MLH3: variants seen among roughly 807,000 people sequenced by gnomAD.
MLH3 encodes the protein DNA mismatch repair protein Mlh3.
In MLH3, 82 loss-of-function variants were observed where a neutral mutation model predicts 122.2. The observed-to-expected ratio is 0.67, with a 90% CI of 0.56 to 0.81. MLH3 has a LOEUF of 0.81. MLH3 is among the 30% of genes least tolerant of loss of function. The pLI is 0.00. For synonymous variants in MLH3, 524 were observed against 599.5 expected, an observed-to-expected ratio of 0.87 and a Z score of 1.84; for missense variants, 1,539 against 1,714.5, an observed-to-expected ratio of 0.90 and a Z score of 1.81.
intron 3 of MLH3, 40 bp downstream of exon 3, chr14:75,042,339 G>C: frequency 1.3e-6 from 2 of 1,531,812 alleles, no homozygotes; most frequent in East Asian, 2.2e-5. Context: ...TAGGTGGTAC[G>C]ATGTGTACTG....
Position 75,049,421 on chromosome 14 carries a change from G to C in MLH3, c.235C>G (p.His79Asp). ...GGATTCTCCAAGTCCTGTACCGAGT[G>C]GCATTTACTGGTGAAATAACGATTT... is the stretch of plus-strand genomic sequence containing the variant. ...VGNRYFTSKC[H>D]SVQDLENPRF... The change falls in exon 2 of 13, where the codon CAC (histidine) becomes GAC (aspartate). Residue 79 changes from histidine to aspartate, a missense_variant. Transcript: ENST00000355774. 1 of 1,614,026 alleles carries C rather than the reference G, an allele frequency of 6.2e-7. No homozygotes were observed. Among genetic ancestry groups the C allele is most frequent in the South Asian group, 1.1e-5 (1 of 91,072 alleles).
chr14:75,016,956 G>T lies in MLH3; in HGVS notation c.*126C>A. 1 of 1,090,128 alleles carries T rather than the reference G, an allele frequency of 9.2e-7. No individual in the cohort carries two copies. 67.5% of individuals were successfully genotyped at this position (1,090,128 alleles called of 1,614,324 possible). ...AAAGACTGATACAGAGAGCCCTGCTGTCTAAGCTGCTCAGGGACACTGGGC... is the reference window on the plus strand; with the variant it reads ...AAAGACTGATACAGAGAGCCCTGCTTTCTAAGCTGCTCAGGGACACTGGGC... On this transcript the variant is annotated 3_prime_UTR_variant, in exon 13 of 13. Transcript: ENST00000355774.
At position 75,014,492 on chromosome 14, in the gene MLH3, A is replaced by G. The variant is rs138458771; in HGVS notation, c.*2590T>C. The G allele has an allele frequency of 3.7e-3, 710 of 190,568 alleles. 4 individuals are homozygous for G. The highest frequency in any genetic ancestry group is 0.016 in the African/African-American group (672 of 43,068). 11.8% of individuals were successfully genotyped at this position (190,568 alleles called of 1,614,324 possible). ...GGGACTGCTAGCTCCTCTTCTTTCAATAATAAAGGGCTAGCTGTAACTAGC... is the reference window on the plus strand; with the variant it reads ...GGGACTGCTAGCTCCTCTTCTTTCAGTAATAAAGGGCTAGCTGTAACTAGC... On this transcript the variant is annotated 3_prime_UTR_variant, in exon 13 of 13. Transcript: ENST00000355774.
At position 75,029,149 on chromosome 14, in the gene MLH3, AGAAAG is replaced by A. The variant is rs1164220437; in HGVS notation, c.3987+1389_3987+1393del. Among the ~76,000 whole-genome samples, 392 of 135,816 alleles carry A rather than the reference AGAAAG, an allele frequency of 2.9e-3. 2 individuals carry two copies. The highest frequency in any genetic ancestry group is 9.5e-3 in the African/African-American group (345 of 36,404). 89.1% of individuals were successfully genotyped at this position (135,816 alleles called of 152,430 possible). ...TGGGCATCGCAAAAAAAAAAAAAAA[AGAAAG>A]AAAGAAAGAAAGAAAGAAAAAGAAA... is the stretch of plus-strand genomic sequence containing the variant. On this transcript the variant is annotated intron_variant, in intron 9 of 12. Transcript: ENST00000355774.
rs29001676 is a variant in MLH3 at position 75,042,801 on chromosome 14, C to T, written c.3281-324G>A. ...ACCCTTTTTTTTTTTTTTGAGACGG[C>T]GTCTCGCTCTGTCGCCCGGGCTGGA... is the stretch of plus-strand genomic sequence containing the variant. On this transcript the variant is annotated intron_variant, in intron 2 of 12. Transcript: ENST00000355774. 6.3e-3 allele frequency among the ~76,000 whole-genome samples: 945 copies of T among 149,778 alleles called. 5 individuals are homozygous for T. The highest frequency in any genetic ancestry group is 0.022 in the African/African-American group (905 of 40,730).
chr14:75,050,473 C>A, intron 1 of MLH3, among the ~76,000 whole-genome samples: 1 of 152,208 alleles, frequency 6.6e-6, no homozygotes, highest in East Asian at 1.9e-4. Flanking sequence ...AATCTCGGCT[C>A]ACTGCAGCCT....
chr14:75,017,384 A>C (rs770933154), intron 12 of MLH3, among the ~76,000 whole-genome samples, 183 bp from the exon 13 acceptor site: 8 of 151,756 alleles, frequency 5.3e-5, no homozygotes, highest in Non-Finnish European at 1.2e-4. Context: ...TAAAAATACA[A>C]AAAAAAATTA....
chr14:75,016,324 A>G lies in MLH3; in HGVS notation c.*758T>C, dbSNP rs1889884635. On this transcript the variant is annotated 3_prime_UTR_variant, in exon 13 of 13. Coordinates refer to ENST00000355774, the MANE Select transcript of MLH3 (RefSeq NM_001040108.2). ...CACATAAAGAGATACTTTATAAAGT[A>G]CCAAAAAAAATCATATTTTAAAAAA... 5.1e-6 allele frequency: 1 copy of G among 195,058 alleles called. No homozygotes were observed. Among genetic ancestry groups the G allele is most frequent in the African/African-American group, 2.3e-5 (1 of 43,212 alleles). 12.1% of individuals were successfully genotyped at this position (195,058 alleles called of 1,614,324 possible).
chr14:75,037,809 A>G (rs1891524193), intron 6 of MLH3, among the ~76,000 whole-genome samples: 1 of 152,088 alleles, frequency 6.6e-6, no homozygotes. Flanking sequence ...AAAAAAAAAG[A>G]CAAAAAGAGT....
In MLH3 at chr14:75,014,506, G is replaced by C. The variant is rs1212953013; in HGVS notation, c.*2576C>G. The stretch of plus-strand genomic sequence containing the variant: ...CTCTTCTTTCAATAATAAAGGGCTA[G>C]CTGTAACTAGCTGTGACTCTGTGAT... On this transcript the variant is annotated 3_prime_UTR_variant, in exon 13 of 13. Coordinates refer to ENST00000355774, the MANE Select transcript of MLH3 (RefSeq NM_001040108.2). 1.0e-5 allele frequency: 2 copies of C among 193,558 alleles called. No homozygotes were observed. Among genetic ancestry groups the C allele is most frequent in the Admixed American group, 6.1e-5 (1 of 16,322 alleles). 12.0% of individuals were successfully genotyped at this position (193,558 alleles called of 1,614,324 possible).
In MLH3 at chr14:75,018,895, C is replaced by A. The variant is rs774372641; in HGVS notation, c.4176G>T (p.Gln1392His). ...GCATAGAAGGTCTCCCGTGAGCACA[C>A]TGGAATGGCAGCTGGCATGAGGACA... ...EALSSCQLPFQCAHGRPSMLP... is the reference protein window; with the variant it reads ...EALSSCQLPFHCAHGRPSMLP... The change falls in exon 12 of 13, where the codon CAG (glutamine) becomes CAT (histidine). Residue 1392 changes from glutamine (Q) to histidine (H), a missense_variant. Gln to His is a conservative substitution (Grantham distance 24). Coordinates refer to ENST00000355774, the MANE Select transcript of MLH3 (RefSeq NM_001040108.2). 2 of 1,614,140 alleles carry A rather than the reference C, an allele frequency of 1.2e-6. No individual in the cohort carries two copies. The highest frequency in any genetic ancestry group is 1.1e-5 in the South Asian group (1 of 91,084).
At chr14:75,040,449 CAAAAAAAAAAAAAA>C (rs36233766) in intron 4 of MLH3, among the ~76,000 whole-genome samples, 10 of 35,592 alleles carry the variant, frequency 2.8e-4, no homozygotes, top group Admixed American at 1.6e-3. Flanking sequence ...GACTCTGTCA[CAAAAAAAAAAAAAA>C]AAAAAAAAAA....
At chr14:75,041,005 T>C (rs920245504) in intron 4 of MLH3, among the ~76,000 whole-genome samples, 4 of 152,166 alleles carry the variant, frequency 2.6e-5, no homozygotes, top group Non-Finnish European at 5.9e-5. Context: ...ATTAATATAG[T>C]CTTGCATGCC....
chr14:75,038,752 A>G (rs1891596133), intron 5 of MLH3, among the ~76,000 whole-genome samples: 1 of 152,256 alleles, frequency 6.6e-6, no homozygotes, highest in African/African-American at 2.4e-5. Context: ...GATTGCTAAC[A>G]TACAGGCTGA....
Position 75,038,376 on chromosome 14 carries a change from A to C in MLH3, c.3607T>G (p.Leu1203Val), listed in dbSNP as rs1331679382. The change falls in exon 6 of 13, where the codon TTG (leucine) becomes GTG (valine). Residue 1203 changes from leucine to valine, a missense_variant. Transcript: ENST00000355774. The stretch of plus-strand genomic sequence containing the variant: ...TTCTCTTCAGTCTTAGTGCTCATCA[A>C]ACAGGCAATAAACTTGTTATCTACT... Reference protein sequence around the residue: ...QQVDNKFIACLMSTKTEENGE... With the variant: ...QQVDNKFIACVMSTKTEENGE... 1 of 1,613,850 alleles carries C rather than the reference A, an allele frequency of 6.2e-7. No individual in the cohort carries two copies. Among genetic ancestry groups the C allele is most frequent in the African/African-American group, 1.3e-5 (1 of 74,912 alleles).
In MLH3 at chr14:75,030,706, A is replaced by C; in HGVS notation, c.3828-4T>G. ...TTCCAGATTTTTGTGGTAACACCTA[A>C]AGAGATAACCTCAAATGTTAAAAAA... On this transcript the variant is annotated splice_polypyrimidine_tract_variant and splice_region_variant and intron_variant, in intron 8 of 12. Transcript: ENST00000355774. 1 of 1,612,858 alleles carries C rather than the reference A, an allele frequency of 6.2e-7. No homozygotes were observed. Among genetic ancestry groups the C allele is most frequent in the Non-Finnish European group, 8.5e-7 (1 of 1,178,926 alleles).
intron 2 of MLH3, among the ~76,000 whole-genome samples, chr14:75,043,310 T>A (rs565027248): frequency 1.7e-4 from 26 of 152,244 alleles, no homozygotes; most frequent in Non-Finnish European, 3.2e-4. Context: ...TATGTCTCTA[T>A]CCTAACATTT....
At chr14:75,023,058 T>G in intron 9 of MLH3, 40 bp from the exon 10 acceptor site, 1 of 1,610,922 alleles carries the variant, frequency 6.2e-7, no homozygotes, top group Non-Finnish European at 8.5e-7. Context: ...TCTACGGTTA[T>G]GTTTTACTTG....
intron 2 of MLH3, among the ~76,000 whole-genome samples, chr14:75,045,973 G>A (rs1444592101): frequency 1.3e-5 from 2 of 152,040 alleles, no homozygotes; most frequent in African/African-American, 2.4e-5. Flanking sequence ...GAGGCTAGGA[G>A]TTTGAGACCA....
Sources: gnomAD v4.1 joint callset for allele counts (sites outside exome capture counted in the v4.1 genomes callset) on GRCh38, gnomAD v4.1.1 for gene constraint, MANE v1.5 for transcripts, NCBI Gene and HGNC (gene_info 2026-07-23, HGNC 2026-07-21) for gene names.